The following ERBB4 variants were observed in gnomAD, a reference collection of about 807,000 sequenced individuals.
ERBB4 encodes receptor tyrosine-protein kinase erbB-4.
Under a neutral mutation model 158.0 loss-of-function variants are expected in ERBB4, and 42 were observed. The ratio of observed to expected loss-of-function variants is 0.27; its 90% CI spans 0.21 to 0.34. The LOEUF is 0.34. ERBB4 is among the 10% of genes least tolerant of loss of function. ERBB4 has a pLI of 1.00. For synonymous variants in ERBB4, 583 were observed against 558.7 expected, an observed-to-expected ratio of 1.04 and a Z score of -0.61; for missense variants, 1,333 against 1,624.1, an observed-to-expected ratio of 0.82 and a Z score of 3.08.
chr2:212,409,208 T>TA (rs1319195854), intron 1 of ERBB4, among the ~76,000 whole-genome samples: 1 of 152,040 alleles, frequency 6.6e-6, no homozygotes, highest in Non-Finnish European at 1.5e-5. Flanking sequence ...TAAATGAGGG[T>TA]AAAAATACAT....
At chr2:211,528,158 G>A (rs1432254199) in intron 20 of ERBB4, among the ~76,000 whole-genome samples, 1 of 151,844 alleles carries the variant, frequency 6.6e-6, no homozygotes, top group Non-Finnish European at 1.5e-5. Flanking sequence ...TAAAGTGATG[G>A]AAAAAGATAT....
chr2:211,501,505 AC>A (rs777789170), intron 20 of ERBB4, among the ~76,000 whole-genome samples: 1 of 151,626 alleles, frequency 6.6e-6, no homozygotes, highest in Non-Finnish European at 1.5e-5. Flanking sequence ...ATTAAAAAAA[AC>A]AGCATAAATC....
intron 20 of ERBB4, among the ~76,000 whole-genome samples, chr2:211,540,325 C>T (rs2066767465): frequency 6.6e-6 from 1 of 151,786 alleles, no homozygotes; most frequent in South Asian, 2.1e-4. Flanking sequence ...TACACAGTGG[C>T]TACCCTTTAA....
At chr2:211,627,674 A>G (rs1199946021) in intron 17 of ERBB4, among the ~76,000 whole-genome samples, 2 of 152,210 alleles carry the variant, frequency 1.3e-5, no homozygotes, top group Non-Finnish European at 2.9e-5. Context: ...TCAGACTGAC[A>G]ATGAGAAAAA....
chr2:211,376,900 G>A lies in ERBB4; in HGVS notation c.*6715C>T, dbSNP rs1413791356. ...CATGAGAAGGAGACACACCAGCCAG[G>A]GAGACAGGCATTCAAAGTTAGCTGC... On this transcript the variant is annotated 3_prime_UTR_variant, in exon 28 of 28. Coordinates refer to ENST00000342788, the MANE Select transcript of ERBB4 (RefSeq NM_005235.3). The A allele has an allele frequency of 4.3e-6, 1 of 233,134 alleles. No individual in the cohort carries two copies. The highest frequency in any genetic ancestry group is 2.2e-5 in the African/African-American group (1 of 45,278). 14.4% of individuals were successfully genotyped at this position (233,134 alleles called of 1,614,324 possible).
chr2:212,250,307 C>A (rs2084483500), intron 1 of ERBB4, among the ~76,000 whole-genome samples: 1 of 151,960 alleles, frequency 6.6e-6, no homozygotes, highest in Non-Finnish European at 1.5e-5. Flanking sequence ...TCTCCTTAAA[C>A]ATCTATTAAT....
chr2:211,445,649 C>T (rs538470313), intron 20 of ERBB4, among the ~76,000 whole-genome samples: 7 of 152,154 alleles, frequency 4.6e-5, no homozygotes, highest in South Asian at 2.1e-4. Context: ...AATTTGGAAA[C>T]GGGAATATTA....
At position 211,387,091 on chromosome 2, in the gene ERBB4, G is replaced by C. The variant is rs1242168566; in HGVS notation, c.3243C>G (p.Tyr1081Ter). Residue 1081 changes from tyrosine to a stop codon, truncating the protein, a stop_gained, in exon 27 of 28, where the codon TAC (tyrosine) becomes TAG (stop). Transcript: ENST00000342788. LOFTEE classifies it high-confidence loss of function. ...CTGGAATTGTGCTAGTTGGGGCTCT[G>C]TAGGGCACAGACACTCCTTGTTCAG... ...FAAEQGVSVP[Y>*]RAPTSTIPEA... The C allele has an allele frequency of 6.2e-7, 1 of 1,613,946 alleles. No individual in the cohort carries two copies. Among genetic ancestry groups the C allele is most frequent in the Non-Finnish European group, 8.5e-7 (1 of 1,179,856 alleles).
At chr2:212,508,804 T>A (rs1400407741) in intron 1 of ERBB4, among the ~76,000 whole-genome samples, 1 of 152,142 alleles carries the variant, frequency 6.6e-6, no homozygotes, top group Non-Finnish European at 1.5e-5. Context: ...CCTCCTAGCA[T>A]TTCTCTTAAG....
At position 211,936,687 on chromosome 2, in the gene ERBB4, A is replaced by G. The variant is rs189310600; in HGVS notation, c.421+10743T>C. Among the ~76,000 whole-genome samples, 882 of 152,262 alleles carry G rather than the reference A, an allele frequency of 5.8e-3. 3 individuals are homozygous for G. Among genetic ancestry groups the G allele is most frequent in the Non-Finnish European group, 1.0e-2 (678 of 67,976 alleles). On this transcript the variant is annotated intron_variant, in intron 3 of 27. Coordinates refer to ENST00000342788, the MANE Select transcript of ERBB4 (RefSeq NM_005235.3). ...CAGATCTATTTGACATATTATTAAG[A>G]GAACAAAGTTTAAGAAAAACTCCCA...
intron 19 of ERBB4, among the ~76,000 whole-genome samples, chr2:211,578,507 G>A (rs773498421): frequency 3.3e-5 from 5 of 152,046 alleles, no homozygotes; most frequent in Admixed American, 6.5e-5. Flanking sequence ...ACAATCCTAA[G>A]CAAAGAGAAA....
intron 2 of ERBB4, among the ~76,000 whole-genome samples, chr2:211,974,748 T>C (rs2081556166): frequency 6.6e-6 from 1 of 152,104 alleles, no homozygotes. Flanking sequence ...GGTGACAAAG[T>C]GAAACACTGT....
chr2:211,560,532 C>A (rs183089043), intron 20 of ERBB4, among the ~76,000 whole-genome samples: 268 of 151,960 alleles, frequency 1.8e-3, no homozygotes, highest in African/African-American at 6.1e-3. Context: ...CCTCGGCCCC[C>A]CAAAGTGCTG....
At chr2:211,560,262 CTTTTTTTTTTTTTTTT>C (rs769707072) in intron 20 of ERBB4, among the ~76,000 whole-genome samples, 2 of 46,286 alleles carry the variant, frequency 4.3e-5, no homozygotes, top group Non-Finnish European at 4.1e-5. Flanking sequence ...TGAAGCTTAG[CTTTTTTTTTTTTTTTT>C]TTTTTTTTTT....
At chr2:211,541,334 T>A (rs2066803411) in intron 20 of ERBB4, among the ~76,000 whole-genome samples, 1 of 152,012 alleles carries the variant, frequency 6.6e-6, no homozygotes, top group Non-Finnish European at 1.5e-5. Flanking sequence ...CTCCCTAGAC[T>A]ATCTTTGAAT....
intron 1 of ERBB4, among the ~76,000 whole-genome samples, chr2:212,308,719 T>C (rs1490092711): frequency 6.6e-6 from 1 of 151,008 alleles, no homozygotes; most frequent in Non-Finnish European, 1.5e-5. Context: ...TACTAGGTAA[T>C]GAAACCCAGG....
chr2:211,843,726 A>G, intron 3 of ERBB4, among the ~76,000 whole-genome samples: 1 of 143,464 alleles, frequency 7.0e-6, no homozygotes, highest in East Asian at 2.1e-4. Context: ...ATGAGCTTTC[A>G]TTGTTTTAAC....
intron 1 of ERBB4, among the ~76,000 whole-genome samples, chr2:212,483,803 C>G (rs1689835103): frequency 6.6e-6 from 1 of 152,192 alleles, no homozygotes; most frequent in Non-Finnish European, 1.5e-5. Flanking sequence ...GTGGCGCGAT[C>G]TCAGCTCACT....
At chr2:211,990,080 C>G (rs891254415) in intron 2 of ERBB4, among the ~76,000 whole-genome samples, 3 of 151,638 alleles carry the variant, frequency 2.0e-5, no homozygotes, top group African/African-American at 7.3e-5. Context: ...TATAAATGCT[C>G]ATTAACCCCT....
Sources: allele counts gnomAD v4.1 joint callset (sites outside exome capture counted in the v4.1 genomes callset), GRCh38; gene constraint gnomAD v4.1.1; transcripts MANE v1.5; gene names NCBI Gene and HGNC (gene_info 2026-07-23, HGNC 2026-07-21).